CERS6: variants seen among roughly 807,000 people sequenced by gnomAD.
CERS6 encodes ceramide synthase 6.
CERS6 carries 26 observed loss-of-function variants against 56.8 expected under a neutral mutation model. The observed-to-expected ratio is 0.46, with a 90% CI of 0.34 to 0.63. The LOEUF (loss-of-function observed/expected upper bound fraction) is 0.63, where lower values mean the gene tolerates loss of function less well. Ranked by LOEUF, CERS6 falls within the 30% of genes least tolerant of loss-of-function variation. The pLI is 0.01. For synonymous variants in CERS6, 164 were observed against 173.3 expected (o/e 0.95, Z 0.42); for missense variants, 415 against 467.5 (o/e 0.89, Z 1.04).
chr2:168,621,592 G>A (rs1684472498), intron 3 of CERS6, among the ~76,000 whole-genome samples: 1 of 152,110 alleles, frequency 6.6e-6, no homozygotes, highest in Non-Finnish European at 1.5e-5. Flanking sequence ...GCTGATGTTG[G>A]GAAGACTAAC....
intron 1 of CERS6, among the ~76,000 whole-genome samples, chr2:168,472,704 G>A (rs926074832): frequency 3.3e-5 from 5 of 152,260 alleles, no homozygotes; most frequent in African/African-American, 1.2e-4. Flanking sequence ...TATAAGGATA[G>A]GCGCTAGTAA....
At chr2:168,690,079 G>T (rs1434197360) in intron 4 of CERS6, among the ~76,000 whole-genome samples, 1 of 152,092 alleles carries the variant, frequency 6.6e-6, no homozygotes, top group African/African-American at 2.4e-5. Context: ...TGTGTAGGAG[G>T]CTTTAAAAGT....
At chr2:168,579,061 T>A (rs181446251) in intron 3 of CERS6, among the ~76,000 whole-genome samples, 105 of 152,316 alleles carry the variant, frequency 6.9e-4, no homozygotes, top group Non-Finnish European at 1.1e-3. Context: ...ATTTTTATTA[T>A]GAAAATTTTG....
At chr2:168,471,637 C>T (rs978638702) in intron 1 of CERS6, among the ~76,000 whole-genome samples, 4 of 152,172 alleles carry the variant, frequency 2.6e-5, no homozygotes, top group Non-Finnish European at 5.9e-5. Flanking sequence ...AAAGCAGAAC[C>T]AGACCTGGGT....
chr2:168,647,532 C>A (rs547903608), intron 4 of CERS6, among the ~76,000 whole-genome samples: 1 of 152,120 alleles, frequency 6.6e-6, no homozygotes, highest in Non-Finnish European at 1.5e-5. Context: ...ATTGCTCTTG[C>A]GAGGACTTCT....
At chr2:168,729,032 G>T (rs1306950286) in intron 8 of CERS6, among the ~76,000 whole-genome samples, 2 of 146,336 alleles carry the variant, frequency 1.4e-5, no homozygotes, top group African/African-American at 5.1e-5. Flanking sequence ...AAAAAAAAAG[G>T]TGCATTGTCC....
chr2:168,628,600 A>T (rs962849574), intron 3 of CERS6, among the ~76,000 whole-genome samples: 2 of 152,222 alleles, frequency 1.3e-5, no homozygotes, highest in Non-Finnish European at 1.5e-5. Context: ...GAAAGTAGCC[A>T]TCACTAAGAT....
chr2:168,622,584 G>A (rs1418125265), intron 3 of CERS6, among the ~76,000 whole-genome samples: 2 of 152,286 alleles, frequency 1.3e-5, no homozygotes, highest in South Asian at 4.1e-4. Flanking sequence ...ATTTAATGAA[G>A]ACTCTTCTAC....
intron 3 of CERS6, among the ~76,000 whole-genome samples, chr2:168,579,695 G>A (rs1202078149): frequency 2.0e-5 from 3 of 152,082 alleles, no homozygotes; most frequent in Admixed American, 6.6e-5. Context: ...AGCCCTCCCC[G>A]TCTCTGCTGT....
intron 8 of CERS6, among the ~76,000 whole-genome samples, chr2:168,728,704 C>CA (rs1188681374): frequency 2.0e-5 from 3 of 151,482 alleles, no homozygotes; most frequent in Non-Finnish European, 4.4e-5. Flanking sequence ...CTTGAATCAA[C>CA]AAAAAAATGC....
chr2:168,514,104 C>T (rs530183310), intron 1 of CERS6, among the ~76,000 whole-genome samples: 1 of 152,284 alleles, frequency 6.6e-6, no homozygotes, highest in East Asian at 1.9e-4. Flanking sequence ...TCATTCTTGA[C>T]CATTTCATTT....
chr2:168,691,274 C>A (rs1686495114), intron 5 of CERS6, among the ~76,000 whole-genome samples, 190 bp downstream of exon 5: 1 of 152,142 alleles, frequency 6.6e-6, no homozygotes, highest in Non-Finnish European at 1.5e-5. Flanking sequence ...AGTTCAGAAT[C>A]AAGGCCCGAT....
chr2:168,530,820 A>G (rs999874256), intron 1 of CERS6, among the ~76,000 whole-genome samples: 4 of 152,232 alleles, frequency 2.6e-5, no homozygotes, highest in African/African-American at 9.7e-5. Context: ...TGAAGTGATC[A>G]ACTCCTCAGA....
chr2:168,649,060 A>C (rs1422098331), intron 4 of CERS6, among the ~76,000 whole-genome samples: 1 of 151,972 alleles, frequency 6.6e-6, no homozygotes, highest in Non-Finnish European at 1.5e-5. Context: ...ATAATTTTAA[A>C]TATACTTTAG....
intron 1 of CERS6, among the ~76,000 whole-genome samples, chr2:168,472,537 T>C (rs1007259729): frequency 2.6e-5 from 4 of 152,330 alleles, no homozygotes; most frequent in African/African-American, 9.6e-5. Flanking sequence ...TGTGTGTGTT[T>C]ATGTACAAAA....
Position 168,769,844 on chromosome 2 carries a change from T to G in CERS6, c.*182T>G, listed in dbSNP as rs749676502. ...TGTGAATGAAGAAGAATTACCATTC[T>G]CTCTTTGTAGGCATGCTGTATGTAA... On this transcript the variant is annotated 3_prime_UTR_variant, in exon 10 of 10. Coordinates refer to ENST00000305747, the MANE Select transcript of CERS6 (RefSeq NM_203463.3). The G allele has an allele frequency of 1.1e-4, 65 of 612,924 alleles. 1 individual carries two copies. The highest frequency in any genetic ancestry group is 6.4e-5 in the Non-Finnish European group (23 of 357,200). The allele number at this position is 612,924 out of a possible 1,614,324, so 38.0% of individuals were successfully genotyped here.
At chr2:168,607,015 A>T (rs1684068456) in intron 3 of CERS6, among the ~76,000 whole-genome samples, 1 of 152,236 alleles carries the variant, frequency 6.6e-6, no homozygotes, top group Non-Finnish European at 1.5e-5. Flanking sequence ...CTGTAGAACC[A>T]TGAGCCAATT....
chr2:168,721,868 C>T (rs1683183287), intron 8 of CERS6, among the ~76,000 whole-genome samples: 1 of 152,070 alleles, frequency 6.6e-6, no homozygotes, highest in Non-Finnish European at 1.5e-5. Flanking sequence ...AATCCTCCAG[C>T]CTAGGCTTCC....
intron 1 of CERS6, among the ~76,000 whole-genome samples, chr2:168,479,144 A>G (rs928487407): frequency 6.6e-6 from 1 of 152,128 alleles, no homozygotes; most frequent in Non-Finnish European, 1.5e-5. Flanking sequence ...TATGATGACA[A>G]TTTTAATTAT....
Sources: allele counts gnomAD v4.1 joint callset (sites outside exome capture counted in the v4.1 genomes callset), GRCh38; gene constraint gnomAD v4.1.1; transcripts MANE v1.5; gene names NCBI Gene and HGNC (gene_info 2026-07-23, HGNC 2026-07-21).